Variants in ELAPOR2 observed in about 807,000 individuals in gnomAD.
ELAPOR2 encodes endosome/lysosome-associated apoptosis and autophagy regulator family member 2.
In ELAPOR2, 89 loss-of-function variants were observed where a neutral mutation model predicts 120.7. The ratio of observed to expected loss-of-function variants is 0.74; its 90% CI spans 0.62 to 0.88. The LOEUF (loss-of-function observed/expected upper bound fraction) is 0.88. ELAPOR2 is among the 40% of genes least tolerant of loss of function. ELAPOR2 has a pLI of 0.00. For synonymous variants in ELAPOR2, 444 were observed against 444.9 expected, an observed-to-expected ratio of 1.00 and a Z score of 0.03; for missense variants, 1,134 against 1,251.6, an observed-to-expected ratio of 0.91 and a Z score of 1.42.
rs759073530 is a variant in ELAPOR2 at position 86,897,520 on chromosome 7, T to G, written c.2671A>C (p.Lys891Gln). 13 of 1,612,966 alleles carry G rather than the reference T, an allele frequency of 8.1e-6. No individual in the cohort carries two copies. Among genetic ancestry groups the G allele is most frequent in the Middle Eastern group, 3.3e-4 (2 of 6,048 alleles). ...HDFHEIEGAC[K>Q]RGFQETLYVW... ...TTATCCCTTACCTGAAATCCTCTCT[T>G]GCAGGCTCCCTCAATCTCATGGAAG... The change falls in exon 19 of 22, where the codon AAG becomes CAG. Residue 891 changes from lysine (K) to glutamine (Q), a missense_variant. Lys to Gln is a moderately conservative substitution (Grantham distance 53). Transcript: ENST00000450689.
chr7:86,919,079 A>G, intron 11 of ELAPOR2, 141 bp downstream of exon 11: 2 of 574,022 alleles, frequency 3.5e-6, no homozygotes, highest in Non-Finnish European at 6.2e-6. Context: ...TCAATATAAT[A>G]CATTACCCTG....
chr7:86,942,154 T>A, intron 4 of ELAPOR2, 50 bp from the exon 5 acceptor site: 1 of 1,085,354 alleles, frequency 9.2e-7, no homozygotes, highest in Non-Finnish European at 1.4e-6. Flanking sequence ...ATAACAGCTT[T>A]AATTAAATTC....
At chr7:86,982,708 A>G (rs1792551012) in intron 1 of ELAPOR2, among the ~76,000 whole-genome samples, 1 of 152,252 alleles carries the variant, frequency 6.6e-6, no homozygotes, top group African/African-American at 2.4e-5. Context: ...CCAAAGGTAG[A>G]TAAAACCACA....
rs538158176 is a variant in ELAPOR2 at position 86,987,073 on chromosome 7, C to A, written c.190-22049G>T. Among the ~76,000 whole-genome samples the A allele has an allele frequency of 8.4e-3, 1,271 of 151,714 alleles. 21 individuals are homozygous for A. The highest frequency in any genetic ancestry group is 0.03 in the African/African-American group (1,222 of 41,298). On this transcript the variant is annotated intron_variant, in intron 1 of 21. Transcript: ENST00000450689. ...TACAACCATCTGACCTTTGACAAAC[C>A]TGACAAAAACAAGAAATGGGGAAAG... is the stretch of plus-strand genomic sequence containing the variant.
intron 10 of ELAPOR2, among the ~76,000 whole-genome samples, chr7:86,921,768 G>A (rs1406806274): frequency 6.6e-6 from 1 of 152,048 alleles, no homozygotes; most frequent in East Asian, 1.9e-4. Context: ...GCTGTATGTG[G>A]AAAGACACAC....
chr7:86,916,955 ATTTTTTTTTTTTTT>A (rs58682563), intron 12 of ELAPOR2, among the ~76,000 whole-genome samples: 4 of 86,700 alleles, frequency 4.6e-5, no homozygotes, highest in Non-Finnish European at 6.4e-5. Context: ...TGGCCAGCTA[ATTTTTTTTTTTTTT>A]TTTTTTTTTT....
At chr7:86,925,447 G>T in intron 10 of ELAPOR2, 81 bp downstream of exon 10, 1 of 1,434,398 alleles carries the variant, frequency 7.0e-7, no homozygotes, top group Non-Finnish European at 9.7e-7. Context: ...CCCATACTTG[G>T]TATGTTTTAG....
intron 18 of ELAPOR2, among the ~76,000 whole-genome samples, chr7:86,906,007 T>A (rs1413059014): frequency 6.6e-6 from 1 of 152,136 alleles, no homozygotes; most frequent in Non-Finnish European, 1.5e-5. Flanking sequence ...GTTAGAGTGA[T>A]GTGTTTCCTA....
At chr7:87,051,923 C>T (rs1267595522) in intron 1 of ELAPOR2, among the ~76,000 whole-genome samples, 1 of 152,194 alleles carries the variant, frequency 6.6e-6, no homozygotes, top group East Asian at 1.9e-4. Flanking sequence ...TTCTCTGAAT[C>T]CTGTTTTATC....
intron 2 of ELAPOR2, among the ~76,000 whole-genome samples, chr7:86,950,621 G>A (rs561821170): frequency 1.3e-5 from 2 of 152,282 alleles, no homozygotes; most frequent in East Asian, 1.9e-4. Context: ...TCCCCCCACC[G>A]CAGCTGTCAT....
intron 11 of ELAPOR2, 64 bp from the exon 12 acceptor site, chr7:86,918,608 A>C (rs1789678337): frequency 9.5e-7 from 1 of 1,050,572 alleles, no homozygotes; most frequent in African/African-American, 1.6e-5. Context: ...GAATAAAATT[A>C]AGCCACTATT....
At chr7:86,882,355 G>C (rs770890269) in intron 21 of ELAPOR2, among the ~76,000 whole-genome samples, 1 of 152,168 alleles carries the variant, frequency 6.6e-6, no homozygotes, top group Non-Finnish European at 1.5e-5. Context: ...TGAGATTTCT[G>C]CAGCCTTTGC....
Position 86,947,768 on chromosome 7 carries a change from A to T in ELAPOR2, c.465T>A (p.Thr155=). The T allele has an allele frequency of 1.9e-6, 3 of 1,551,740 alleles. No individual in the cohort carries two copies. The highest frequency in any genetic ancestry group is 1.7e-4 in the Middle Eastern group (1 of 5,994). Residue 155 remains threonine (T), a synonymous_variant, in exon 3 of 22, where the codon ACT becomes ACA. Transcript: ENST00000450689. The part of the protein sequence containing the change: ...GFSNIATFMD[T]VVGPSDSRPD... ...GCCTGCTGTCAGAAGGGCCCACCACAGTGTCCATGAATGTTGCGATGTTAG... is the reference window on the plus strand; with the variant it reads ...GCCTGCTGTCAGAAGGGCCCACCACTGTGTCCATGAATGTTGCGATGTTAG...
At chr7:86,902,121 A>C (rs1788754155) in intron 18 of ELAPOR2, among the ~76,000 whole-genome samples, 2 of 152,048 alleles carry the variant, frequency 1.3e-5, no homozygotes, top group African/African-American at 4.8e-5. Context: ...TTTTTGCTGC[A>C]TCCTCATGTG....
At chr7:86,886,059 C>G in intron 21 of ELAPOR2, among the ~76,000 whole-genome samples, 1 of 152,086 alleles carries the variant, frequency 6.6e-6, no homozygotes, top group East Asian at 1.9e-4. Flanking sequence ...CTTTTGGTGT[C>G]AAGTCAGAAG....
At chr7:86,996,355 C>A (rs1793122738) in intron 1 of ELAPOR2, among the ~76,000 whole-genome samples, 1 of 152,008 alleles carries the variant, frequency 6.6e-6, no homozygotes, top group Non-Finnish European at 1.5e-5. Context: ...AGAAGCCAGC[C>A]ACAGAGAGAA....
At chr7:87,034,972 C>T (rs1562978005) in intron 1 of ELAPOR2, among the ~76,000 whole-genome samples, 1 of 151,794 alleles carries the variant, frequency 6.6e-6, no homozygotes, top group Non-Finnish European at 1.5e-5. Flanking sequence ...ATCCCAGCTA[C>T]TCAGGAGGCT....
chr7:86,883,935 G>A (rs1333816270), intron 21 of ELAPOR2, among the ~76,000 whole-genome samples: 1 of 152,126 alleles, frequency 6.6e-6, no homozygotes, highest in African/African-American at 2.4e-5. Flanking sequence ...TCCCTGAAGT[G>A]TTTTGGGGTG....
At chr7:86,888,107 G>A (rs994303385) in intron 21 of ELAPOR2, among the ~76,000 whole-genome samples, 2 of 151,994 alleles carry the variant, frequency 1.3e-5, no homozygotes, top group Non-Finnish European at 2.9e-5. Context: ...TTTGTTGGCT[G>A]TCATGATTAT....
Sources: allele counts gnomAD v4.1 joint callset (sites outside exome capture counted in the v4.1 genomes callset), GRCh38; gene constraint gnomAD v4.1.1; transcripts MANE v1.5; gene names NCBI Gene and HGNC (gene_info 2026-07-23, HGNC 2026-07-21).